Variants in KCNIP4 observed in about 807,000 individuals in gnomAD.
KCNIP4 encodes Kv channel-interacting protein 4.
A neutral mutation model predicts 34.0 loss-of-function variants in KCNIP4; 12 were observed. That is an observed-to-expected ratio of 0.35 (90% confidence interval 0.23 to 0.57). KCNIP4 has a LOEUF of 0.57. Ranked by LOEUF, KCNIP4 falls within the 20% of genes least tolerant of loss-of-function variation. The pLI is 0.83. For synonymous variants in KCNIP4, 124 were observed against 102.2 expected, an observed-to-expected ratio of 1.21 and a Z score of -1.29; for missense variants, 238 against 311.7, an observed-to-expected ratio of 0.76 and a Z score of 1.78.
At chr4:20,825,528 A>G (rs143924501) in intron 3 of KCNIP4, among the ~76,000 whole-genome samples, 18 of 152,298 alleles carry the variant, frequency 1.2e-4, no homozygotes, top group African/African-American at 3.4e-4. Flanking sequence ...ATGAGCCCCA[A>G]CTGACAGAGA....
chr4:21,453,524 A>G (rs953443009), intron 1 of KCNIP4, among the ~76,000 whole-genome samples: 2 of 152,018 alleles, frequency 1.3e-5, no homozygotes. Context: ...CACTCTTTCC[A>G]GGATGTGAAA....
intron 1 of KCNIP4, among the ~76,000 whole-genome samples, chr4:21,831,663 CA>C (rs141374886): frequency 4.1e-5 from 3 of 73,234 alleles, no homozygotes; most frequent in Admixed American, 1.8e-4. Flanking sequence ...CATTTTTCAT[CA>C]AAAAAAAAAA....
At chr4:21,493,358 C>T (rs17466300) in intron 1 of KCNIP4, among the ~76,000 whole-genome samples, 30,305 of 152,032 alleles carry the variant, frequency 0.2, 3,659 homozygotes, top group Non-Finnish European at 0.28. Context: ...GAAATACATA[C>T]ATCCAAGCTG....
intron 1 of KCNIP4, among the ~76,000 whole-genome samples, chr4:21,143,635 T>C (rs1440642226): frequency 6.6e-6 from 1 of 152,204 alleles, no homozygotes; most frequent in South Asian, 2.1e-4. Flanking sequence ...TTTGTTACAC[T>C]GTAATAGAAA....
intron 1 of KCNIP4, among the ~76,000 whole-genome samples, chr4:21,646,337 T>C (rs1747017861): frequency 6.6e-6 from 1 of 152,182 alleles, no homozygotes; most frequent in South Asian, 2.1e-4. Flanking sequence ...TCCTATTAAA[T>C]GTGCTTACCT....
intron 1 of KCNIP4, among the ~76,000 whole-genome samples, chr4:21,233,643 T>C (rs1758960838): frequency 6.6e-6 from 1 of 151,726 alleles, no homozygotes; most frequent in Non-Finnish European, 1.5e-5. Flanking sequence ...TCTTTCTCAG[T>C]CTGTTCATCA....
rs111276414 is a variant in KCNIP4, at chr4:21,406,042, T to C, written c.62-523333A>G. 2.4e-3 allele frequency among the ~76,000 whole-genome samples: 364 copies of C among 152,036 alleles called. 1 individual carries two copies. Among genetic ancestry groups the C allele is most frequent in the African/African-American group, 8.3e-3 (345 of 41,480 alleles). Reference sequence around the variant, plus strand: ...TAGAGACGGGGTTTCTCCATGTTGGTCAGGGTGGTCTCGAACTCCTGACCT... The same window carrying C: ...TAGAGACGGGGTTTCTCCATGTTGGCCAGGGTGGTCTCGAACTCCTGACCT... On this transcript the variant is annotated intron_variant, in intron 1 of 8. Transcript: ENST00000382152.
intron 1 of KCNIP4, among the ~76,000 whole-genome samples, chr4:21,810,419 G>A (rs1423821585): frequency 2.6e-5 from 4 of 152,064 alleles, no homozygotes; most frequent in Middle Eastern, 3.4e-3. Context: ...GGCTGGGCGC[G>A]GTGGCTCAAG....
chr4:21,574,590 T>C (rs776649114), intron 1 of KCNIP4, among the ~76,000 whole-genome samples: 3 of 152,076 alleles, frequency 2.0e-5, no homozygotes, highest in Non-Finnish European at 2.9e-5. Context: ...TTGCAGAAGG[T>C]GAAAAATTAA....
At chr4:21,890,341 T>G (rs1288843971) in intron 1 of KCNIP4, among the ~76,000 whole-genome samples, 1 of 152,140 alleles carries the variant, frequency 6.6e-6, no homozygotes, top group East Asian at 1.9e-4. Flanking sequence ...CTTTCTGTAC[T>G]TCTGGAATAT....
chr4:21,038,901 G>A (rs1339759889), intron 1 of KCNIP4, among the ~76,000 whole-genome samples: 3 of 152,172 alleles, frequency 2.0e-5, no homozygotes, highest in Non-Finnish European at 4.4e-5. Flanking sequence ...CCTTCACAGT[G>A]TTCTGTTGGG....
At chr4:21,079,070 G>A (rs937326417) in intron 1 of KCNIP4, among the ~76,000 whole-genome samples, 3 of 151,950 alleles carry the variant, frequency 2.0e-5, no homozygotes, top group Non-Finnish European at 4.4e-5. Context: ...TGAAAGTCAC[G>A]TGCCCCAACT....
At chr4:21,035,574 A>G (rs1370114383) in intron 1 of KCNIP4, among the ~76,000 whole-genome samples, 1 of 152,208 alleles carries the variant, frequency 6.6e-6, no homozygotes, top group Non-Finnish European at 1.5e-5. Context: ...ACAACCAAAA[A>G]TTATGCCATT....
chr4:21,341,806 C>T (rs1391390987), intron 1 of KCNIP4, among the ~76,000 whole-genome samples: 1 of 152,116 alleles, frequency 6.6e-6, no homozygotes, highest in Non-Finnish European at 1.5e-5. Context: ...TCTGCTATCA[C>T]CACAGTTTTG....
intron 1 of KCNIP4, among the ~76,000 whole-genome samples, chr4:21,940,384 A>G (rs1181065248): frequency 6.6e-6 from 1 of 152,190 alleles, no homozygotes; most frequent in Admixed American, 6.5e-5. Flanking sequence ...AACTGGAAGT[A>G]ATTTTGCTTT....
chr4:21,612,475 C>A (rs534934643), intron 1 of KCNIP4, among the ~76,000 whole-genome samples: 28 of 152,264 alleles, frequency 1.8e-4, no homozygotes, highest in African/African-American at 6.5e-4. Flanking sequence ...GGGGCTGAAC[C>A]CTCAAGTCAT....
At chr4:21,397,267 T>G (rs1281305290) in intron 1 of KCNIP4, among the ~76,000 whole-genome samples, 1 of 152,186 alleles carries the variant, frequency 6.6e-6, no homozygotes. Flanking sequence ...CATCTGACTC[T>G]GCAATATCAA....
rs1050791532 is a variant in KCNIP4, at chr4:21,476,289, C to T, written c.61+472282G>A. ...GCTGAAACTAGCATAAGAAAATTTG[C>T]TATCTCTGCTATGAATTAAATGTTG... On this transcript the variant is annotated intron_variant, in intron 1 of 8. Transcript: ENST00000382152. 7.9e-5 allele frequency among the ~76,000 whole-genome samples: 12 copies of T among 152,162 alleles called. 1 individual carries two copies. Among genetic ancestry groups the T allele is most frequent in the Non-Finnish European group, 1.6e-4 (11 of 68,038 alleles).
intron 1 of KCNIP4, among the ~76,000 whole-genome samples, chr4:21,922,432 A>G (rs1728987820): frequency 6.6e-6 from 1 of 152,188 alleles, no homozygotes; most frequent in African/African-American, 2.4e-5. Context: ...GTTCTTACGC[A>G]TTAGGGAACC....
Sources: allele counts gnomAD v4.1 joint callset (sites outside exome capture counted in the v4.1 genomes callset), GRCh38; gene constraint gnomAD v4.1.1; transcripts MANE v1.5; gene names NCBI Gene and HGNC (gene_info 2026-07-23, HGNC 2026-07-21).